EDA: variants seen among roughly 807,000 people sequenced by gnomAD.
EDA encodes the protein ectodysplasin A, also known as ectodysplasin-A.
Under a neutral mutation model 23.6 loss-of-function variants are expected in EDA, and 2 were observed. The ratio of observed to expected loss-of-function variants is 0.08; its 90% CI spans 0.03 to 0.27. EDA has a LOEUF of 0.27. Among genes scored for constraint, EDA ranks in the 10% least tolerant of loss-of-function variants. The pLI is 1.00. For missense variants in EDA, 229 were observed against 324.2 expected, an observed-to-expected ratio of 0.71 and a Z score of 2.26; for synonymous variants, 131 against 132.0, an observed-to-expected ratio of 0.99 and a Z score of 0.05.
At chrX:69,845,465 G>A (rs1248785110) in intron 1 of EDA, among the ~76,000 whole-genome samples, 1 of 112,169 alleles carries the variant, frequency 8.9e-6, no homozygotes. Flanking sequence ...CAGATACTTG[G>A]CATCCTAATG....
At chrX:69,895,198 G>T (rs2017993094) in intron 1 of EDA, among the ~76,000 whole-genome samples, 1 of 111,336 alleles carries the variant, frequency 9.0e-6, no homozygotes, top group Non-Finnish European at 1.9e-5. Flanking sequence ...CTGTTTATGT[G>T]ATGAATCGCA....
Position 70,037,304 on chromosome X carries a change from C to T in EDA, c.*1695C>T, listed in dbSNP as rs1602626418. The stretch of plus-strand genomic sequence containing the variant: ...TGGCCCTTCAAGGGTCAGGGTGAGA[C>T]GTGATGGGCTAGGCCTCCGTTGTCT... On this transcript the variant is annotated 3_prime_UTR_variant, in exon 8 of 8. Transcript: ENST00000374552. The T allele has an allele frequency of 9.0e-6, 1 of 111,653 alleles. No homozygotes were observed. The highest frequency in any genetic ancestry group is 3.3e-5 in the African/African-American group (1 of 30,668). The allele number at this position is 111,653 out of a possible 1,213,427, so 9.2% of individuals were successfully genotyped here.
chrX:69,876,897 T>C (rs1464290791), intron 1 of EDA, among the ~76,000 whole-genome samples: 1 of 112,851 alleles, frequency 8.9e-6, no homozygotes, highest in Non-Finnish European at 1.9e-5. Context: ...GTTATAAACA[T>C]TTATTTATGG....
intron 1 of EDA, among the ~76,000 whole-genome samples, chrX:69,949,722 T>C (rs1272988134): frequency 3.6e-5 from 4 of 111,957 alleles, no homozygotes; most frequent in Non-Finnish European, 7.5e-5. Flanking sequence ...GGTTTAAGTA[T>C]GTCCCCTCCA....
chrX:69,976,479 T>C (rs1007715431), intron 2 of EDA, among the ~76,000 whole-genome samples: 8 of 112,119 alleles, frequency 7.1e-5, no homozygotes, highest in Non-Finnish European at 1.5e-4. Context: ...CCATTTGGCA[T>C]ATGTTTACAC....
At chrX:69,867,492 T>C (rs2017504681) in intron 1 of EDA, among the ~76,000 whole-genome samples, 1 of 112,347 alleles carries the variant, frequency 8.9e-6, no homozygotes, top group Non-Finnish European at 1.9e-5. Context: ...AACCATTAGC[T>C]ACAGCCCACA....
chrX:69,714,539 A>T (rs1422703914), intron 1 of EDA, among the ~76,000 whole-genome samples: 3 of 111,725 alleles, frequency 2.7e-5, no homozygotes, highest in Non-Finnish European at 5.6e-5. Context: ...TTACTTTTAT[A>T]TTTAAGTCTA....
At position 69,710,864 on chromosome X, in the gene EDA, G is replaced by C. The variant is rs1290472601; in HGVS notation, c.396+94160G>C. ...TTTTGTATCCTGAGACTTTGCTGAA[G>C]TTGCCTATCAGCTTAAGGAGATTTT... On this transcript the variant is annotated intron_variant, in intron 1 of 7. Coordinates refer to ENST00000374552, the MANE Select transcript of EDA (RefSeq NM_001399.5). Among the ~76,000 whole-genome samples, 3 of 112,016 alleles carry C rather than the reference G, an allele frequency of 2.7e-5. No homozygotes were observed. The East Asian group carries it at 8.4e-4, about 31-fold the overall frequency.
At chrX:69,810,664 G>A (rs1270805887) in intron 1 of EDA, among the ~76,000 whole-genome samples, 2 of 107,975 alleles carry the variant, frequency 1.9e-5, no homozygotes, top group Non-Finnish European at 3.8e-5. Flanking sequence ...GCTGAGGCAG[G>A]AGAATCACTT....
intron 1 of EDA, among the ~76,000 whole-genome samples, chrX:69,660,033 C>A (rs770228152): frequency 4.1e-4 from 46 of 111,767 alleles, no homozygotes; most frequent in African/African-American, 1.5e-3. Context: ...CAGAATCATT[C>A]CACCGACCAT....
At position 69,888,978 on chromosome X, in the gene EDA, T is replaced by TAGATAGATATATA. The variant is rs1556026049; in HGVS notation, c.397-68049_397-68048insAGATAGATATATA. ...GTGGAATTGTTGTATTGTGGGGTAG[T>TAGATAGATATATA]TATATATATATATATATATATATAT... On this transcript the variant is annotated intron_variant, in intron 1 of 7. Coordinates refer to ENST00000374552, the MANE Select transcript of EDA (RefSeq NM_001399.5). Among the ~76,000 whole-genome samples, 13 of 16,013 alleles carry TAGATAGATATATA rather than the reference T, an allele frequency of 8.1e-4. 1 individual carries two copies. The East Asian group carries it at 9.8e-3, about 12-fold the overall frequency. 13.9% of individuals were successfully genotyped at this position (16,013 alleles called of 115,157 possible).
At chrX:69,783,251 G>A (rs1305096034) in intron 1 of EDA, among the ~76,000 whole-genome samples, 1 of 111,072 alleles carries the variant, frequency 9.0e-6, no homozygotes, top group Admixed American at 9.6e-5. Context: ...CAGTTTAAAT[G>A]ACAGAAGAGA....
chrX:69,831,068 T>A (rs1279501617), intron 1 of EDA, among the ~76,000 whole-genome samples: 1 of 111,673 alleles, frequency 9.0e-6, no homozygotes, highest in East Asian at 2.8e-4. Context: ...GAAATCCTTT[T>A]ATTATTATTA....
At chrX:69,626,117 A>G (rs1932377603) in intron 1 of EDA, among the ~76,000 whole-genome samples, 1 of 111,809 alleles carries the variant, frequency 8.9e-6, no homozygotes, top group Non-Finnish European at 1.9e-5. Context: ...ACAGTGAGAT[A>G]CCATTTCACA....
At chrX:69,662,264 G>A (rs924314767) in intron 1 of EDA, among the ~76,000 whole-genome samples, 1 of 111,750 alleles carries the variant, frequency 8.9e-6, no homozygotes, top group Non-Finnish European at 1.9e-5. Context: ...ATCTTGAATT[G>A]TAGCTCCCAT....
intron 1 of EDA, among the ~76,000 whole-genome samples, chrX:69,667,364 C>T (rs1222351719): frequency 9.1e-6 from 1 of 110,388 alleles, no homozygotes; most frequent in African/African-American, 3.3e-5. Context: ...CCTCCCACCT[C>T]GACCTCCCAT....
chrX:69,632,622 A>G (rs1004467146), intron 1 of EDA, among the ~76,000 whole-genome samples: 17 of 112,296 alleles, frequency 1.5e-4, no homozygotes, highest in African/African-American at 4.2e-4. Flanking sequence ...GCTCTAAGAC[A>G]TACTTCACTT....
chrX:69,916,427 G>A (rs2018345657), intron 1 of EDA, among the ~76,000 whole-genome samples: 2 of 83,917 alleles, frequency 2.4e-5, no homozygotes, highest in Non-Finnish European at 4.5e-5. Flanking sequence ...TTTTGAGACG[G>A]AGTCTCACTC....
At chrX:69,676,472 G>C (rs1315354067) in intron 1 of EDA, among the ~76,000 whole-genome samples, 1 of 98,503 alleles carries the variant, frequency 1.0e-5, no homozygotes, top group African/African-American at 3.9e-5. Flanking sequence ...TCAAATGGAA[G>C]AATGAGTTTT....
Sources: allele counts gnomAD v4.1 joint callset (sites outside exome capture counted in the v4.1 genomes callset), GRCh38; gene constraint gnomAD v4.1.1; transcripts MANE v1.5; gene names NCBI Gene and HGNC (gene_info 2026-07-23, HGNC 2026-07-21).